CPQ: variants seen among roughly 807,000 people sequenced by gnomAD.
CPQ encodes Ser-Met dipeptidase.
CPQ carries 37 observed loss-of-function variants against 45.7 expected under a neutral mutation model. The ratio of observed to expected loss-of-function variants is 0.81; its 90% confidence interval spans 0.62 to 1.07. The LOEUF (loss-of-function observed/expected upper bound fraction) is 1.07. Among genes scored for constraint, CPQ ranks in the 50% least tolerant of loss-of-function variants. The pLI, the probability that CPQ is intolerant of heterozygous loss-of-function variation, is 0.00. For missense variants in CPQ, 537 were observed against 572.9 expected (o/e 0.94, Z 0.64); for synonymous variants, 186 against 205.8 (o/e 0.90, Z 0.82).
chr8:97,082,600 C>A (rs1434334724), intron 7 of CPQ, among the ~76,000 whole-genome samples: 2 of 152,176 alleles, frequency 1.3e-5, no homozygotes, highest in East Asian at 3.8e-4. Context: ...CTAGTCTCTC[C>A]ACTCTCCATG....
At chr8:96,923,225 G>A (rs1471851042) in intron 4 of CPQ, among the ~76,000 whole-genome samples, 2 of 152,196 alleles carry the variant, frequency 1.3e-5, no homozygotes, top group African/African-American at 4.8e-5. Context: ...TATAGAAAAG[G>A]AGTATAAAGA....
intron 1 of CPQ, among the ~76,000 whole-genome samples, chr8:96,714,444 CAT>C (rs1217284770): frequency 6.6e-6 from 1 of 152,136 alleles, no homozygotes; most frequent in Non-Finnish European, 1.5e-5. Flanking sequence ...CTTTCCTCTG[CAT>C]TTTGTAATTC....
chr8:96,817,544 G>A (rs915827438), intron 2 of CPQ, among the ~76,000 whole-genome samples: 1 of 152,010 alleles, frequency 6.6e-6, no homozygotes, highest in African/African-American at 2.4e-5. Flanking sequence ...CAGACAGCCA[G>A]AACTTTCACC....
chr8:97,071,934 T>C (rs1308868415), intron 7 of CPQ, among the ~76,000 whole-genome samples: 2 of 152,182 alleles, frequency 1.3e-5, no homozygotes, highest in African/African-American at 4.8e-5. Context: ...GGTCCCAGGA[T>C]GGCTGCAGTT....
At chr8:96,650,519 T>C (rs1011423706) in intron 1 of CPQ, among the ~76,000 whole-genome samples, 1 of 152,220 alleles carries the variant, frequency 6.6e-6, no homozygotes, top group African/African-American at 2.4e-5. Flanking sequence ...GGCTGCAGTT[T>C]GTTTCATGGC....
intron 4 of CPQ, among the ~76,000 whole-genome samples, chr8:96,956,337 A>C (rs1002688258): frequency 1.3e-5 from 2 of 152,102 alleles, no homozygotes; most frequent in African/African-American, 4.8e-5. Context: ...AAGCATGATT[A>C]TGCTTCATGT....
At chr8:96,868,139 G>A (rs543687212) in intron 3 of CPQ, among the ~76,000 whole-genome samples, 19 of 152,172 alleles carry the variant, frequency 1.2e-4, no homozygotes, top group South Asian at 4.1e-4. Flanking sequence ...CTCCATTAGC[G>A]TGGATCCCAG....
intron 4 of CPQ, among the ~76,000 whole-genome samples, chr8:96,892,586 T>C (rs993028530): frequency 6.6e-6 from 1 of 152,190 alleles, no homozygotes; most frequent in Non-Finnish European, 1.5e-5. Context: ...TATTATAAAC[T>C]TTTTATGGCT....
At chr8:96,729,377 C>CTGTATATT (rs1446151156) in intron 1 of CPQ, among the ~76,000 whole-genome samples, 3 of 152,164 alleles carry the variant, frequency 2.0e-5, no homozygotes, top group Non-Finnish European at 4.4e-5. Flanking sequence ...CTTATTCACT[C>CTGTATATT]TGTATATTTG....
At chr8:96,969,453 G>A (rs994621388) in intron 5 of CPQ, among the ~76,000 whole-genome samples, 1 of 152,188 alleles carries the variant, frequency 6.6e-6, no homozygotes, top group African/African-American at 2.4e-5. Context: ...TAAGTTCTCT[G>A]AATGTAGGAT....
At chr8:97,030,223 G>A (rs1278044889) in intron 6 of CPQ, among the ~76,000 whole-genome samples, 1 of 152,236 alleles carries the variant, frequency 6.6e-6, no homozygotes, top group Non-Finnish European at 1.5e-5. Flanking sequence ...AGCAGTGATG[G>A]TTGCCCAGAG....
intron 5 of CPQ, among the ~76,000 whole-genome samples, chr8:96,971,380 T>G (rs2130372556): frequency 1.3e-5 from 2 of 152,400 alleles, no homozygotes; most frequent in South Asian, 4.1e-4. Flanking sequence ...TGAGTCTATT[T>G]TTTCAAAATG....
intron 4 of CPQ, among the ~76,000 whole-genome samples, chr8:96,931,813 G>A (rs1216094550): frequency 6.6e-6 from 1 of 152,140 alleles, no homozygotes; most frequent in Non-Finnish European, 1.5e-5. Context: ...TGGTAGGGCT[G>A]GGAAAAGAGG....
intron 3 of CPQ, among the ~76,000 whole-genome samples, chr8:96,859,843 C>T (rs2130866265): frequency 6.6e-6 from 1 of 152,134 alleles, no homozygotes; most frequent in Admixed American, 6.5e-5. Context: ...GTCACTGTTA[C>T]AGTCTTATAA....
At chr8:96,898,927 A>G (rs562379845) in intron 4 of CPQ, among the ~76,000 whole-genome samples, 1 of 152,214 alleles carries the variant, frequency 6.6e-6, no homozygotes, top group Non-Finnish European at 1.5e-5. Flanking sequence ...TCTTTTAATT[A>G]ATAGAGTTAT....
chr8:97,142,899 G>A, intron 7 of CPQ, 121 bp from the exon 8 acceptor site: 1 of 847,362 alleles, frequency 1.2e-6, no homozygotes, highest in Non-Finnish European at 1.8e-6. Flanking sequence ...GCCTGGAAAA[G>A]TAATTATTTT....
intron 4 of CPQ, among the ~76,000 whole-genome samples, chr8:96,953,114 G>T (rs549164715): frequency 6.6e-6 from 1 of 152,220 alleles, no homozygotes; most frequent in South Asian, 2.1e-4. Context: ...GCAGCATGAT[G>T]ATAGGAATTT....
intron 1 of CPQ, among the ~76,000 whole-genome samples, chr8:96,725,859 A>G (rs988226441): frequency 2.6e-5 from 4 of 152,232 alleles, no homozygotes; most frequent in Admixed American, 2.0e-4. Context: ...GGTGGATTGT[A>G]TAAAGAAAAT....
At chr8:96,843,867 A>C (rs574735976) in intron 3 of CPQ, among the ~76,000 whole-genome samples, 1 of 152,234 alleles carries the variant, frequency 6.6e-6, no homozygotes, top group South Asian at 2.1e-4. Context: ...AAAGTATTGC[A>C]AACTCCATAT....
Sources: gnomAD v4.1 joint callset for allele counts (sites outside exome capture counted in the v4.1 genomes callset) on GRCh38, gnomAD v4.1.1 for gene constraint, MANE v1.5 for transcripts, NCBI Gene and HGNC (gene_info 2026-07-23, HGNC 2026-07-21) for gene names.